The following SLC30A10 variants were observed in gnomAD, a reference collection of about 807,000 sequenced individuals.
SLC30A10 encodes calcium/manganese antiporter SLC30A10.
SLC30A10 carries 8 observed loss-of-function variants against 21.7 expected under a neutral mutation model. The ratio of observed to expected loss-of-function variants is 0.37; its 90% CI spans 0.22 to 0.67. The LOEUF is 0.67. SLC30A10 is among the 30% of genes least tolerant of loss of function. The probability of loss-of-function intolerance (pLI) is 0.58; values close to 1 mark genes in which losing one functional copy is unlikely to be tolerated. For synonymous variants in SLC30A10, 272 were observed against 279.4 expected (o/e 0.97, Z 0.26); for missense variants, 521 against 642.5 (o/e 0.81, Z 2.04).
intron 1 of SLC30A10, among the ~76,000 whole-genome samples, chr1:219,958,331 C>A (rs1357123168): frequency 1.3e-5 from 2 of 152,080 alleles, no homozygotes; most frequent in Non-Finnish European, 2.9e-5. Flanking sequence ...TTTTTCATTC[C>A]CTGTGAGTAA....
Position 219,927,891 on chromosome 1 carries a change from C to T in SLC30A10, c.550G>A (p.Ala184Thr). 6.5e-7 allele frequency: 1 copy of T among 1,540,934 alleles called. No homozygotes were observed. The highest frequency in any genetic ancestry group is 8.7e-7 in the Non-Finnish European group (1 of 1,143,480). ...EDPRRAADPT[A>T]PGSDSAVTLR... is the part of the protein sequence containing the mutation. ...GTTACGGCCGAGTCCGAGCCTGGGGCTGTCGGGTCCGCCGCGCGCCGCGGG... is the reference window on the plus strand; with the variant it reads ...GTTACGGCCGAGTCCGAGCCTGGGGTTGTCGGGTCCGCCGCGCGCCGCGGG... The change falls in exon 1 of 4, where the codon GCC (alanine) becomes ACC (threonine). Residue 184 changes from alanine (A) to threonine (T), a missense_variant. By Grantham distance (58) the Ala-to-Thr change is moderately conservative (BLOSUM62 0). Coordinates refer to ENST00000366926, the MANE Select transcript of SLC30A10 (RefSeq NM_018713.3).
intron 3 of SLC30A10, among the ~76,000 whole-genome samples, chr1:219,916,444 A>G (rs1659545315): frequency 6.6e-6 from 1 of 152,254 alleles, no homozygotes; most frequent in Non-Finnish European, 1.5e-5. Context: ...TCAATGATGT[A>G]ATGGAATAGG....
intron 3 of SLC30A10, among the ~76,000 whole-genome samples, chr1:219,916,919 T>C: frequency 6.6e-6 from 1 of 151,782 alleles, no homozygotes; most frequent in East Asian, 1.9e-4. Flanking sequence ...ATTTCTAGCA[T>C]GTAGTAAACG....
At chr1:219,920,075 GCAGTTGCCT>G (rs1659642437) in intron 2 of SLC30A10, among the ~76,000 whole-genome samples, 1 of 152,038 alleles carries the variant, frequency 6.6e-6, no homozygotes, top group African/African-American at 2.4e-5. Flanking sequence ...GTAATTTGAG[GCAGTTGCCT>G]CAAATTTTCC....
chr1:219,932,623 T>C (rs1276694239), upstream of SLC30A10, among the ~76,000 whole-genome samples: 1 of 151,598 alleles, frequency 6.6e-6, no homozygotes, highest in East Asian at 1.9e-4. Flanking sequence ...GTAATTTTTG[T>C]ACCCCAAAAG....
rs1659472929 is a variant in SLC30A10 at position 219,913,957 on chromosome 1, T to C, written c.*1492A>G. On this transcript the variant is annotated 3_prime_UTR_variant, in exon 4 of 4. Coordinates refer to ENST00000366926, the MANE Select transcript of SLC30A10 (RefSeq NM_018713.3). ...TAATAATTTCCTATCCTACGGATCATAGCTGCTTATTTATTTTAGCCTTCA... is the reference window on the plus strand; with the variant it reads ...TAATAATTTCCTATCCTACGGATCACAGCTGCTTATTTATTTTAGCCTTCA... The C allele has an allele frequency of 6.6e-6, 1 of 152,202 alleles. No homozygotes were observed. Among genetic ancestry groups the C allele is most frequent in the African/African-American group, 2.4e-5 (1 of 41,446 alleles). The allele number at this position is 152,202 out of a possible 1,614,324, so 9.4% of individuals were successfully genotyped here.
At chr1:219,917,740 T>G in intron 3 of SLC30A10, among the ~76,000 whole-genome samples, 1 of 132,600 alleles carries the variant, frequency 7.5e-6, no homozygotes, top group African/African-American at 3.0e-5. Context: ...AGTCAGAGTC[T>G]CACTCTGTCA....
intron 1 of SLC30A10, among the ~76,000 whole-genome samples, chr1:219,940,059 A>G (rs891733558): frequency 6.6e-6 from 1 of 152,178 alleles, no homozygotes; most frequent in African/African-American, 2.4e-5. Context: ...TTCCATTCAA[A>G]GGCCGACTCT....
intron 3 of SLC30A10, among the ~76,000 whole-genome samples, chr1:219,916,686 T>G (rs941099327): frequency 1.4e-4 from 22 of 152,188 alleles, no homozygotes; most frequent in African/African-American, 5.3e-4. Flanking sequence ...AATGAGTATG[T>G]ATTTAGAGAG....
chr1:219,931,036 C>T (rs1175193717), upstream of SLC30A10, among the ~76,000 whole-genome samples: 2 of 152,202 alleles, frequency 1.3e-5, no homozygotes, highest in Non-Finnish European at 2.9e-5. Context: ...TGTCTTCAAA[C>T]TGTAAAGCTT....
chr1:219,942,385 A>G (rs2102543195), intron 1 of SLC30A10, among the ~76,000 whole-genome samples: 1 of 152,254 alleles, frequency 6.6e-6, no homozygotes, highest in South Asian at 2.1e-4. Context: ...ACAAAGTTTG[A>G]CTCCTTGATC....
chr1:219,931,763 G>C (rs1659972751), upstream of SLC30A10, among the ~76,000 whole-genome samples: 1 of 152,192 alleles, frequency 6.6e-6, no homozygotes, highest in Admixed American at 6.5e-5. Flanking sequence ...TTATAGGCGT[G>C]AGCCACCACA....
At chr1:219,930,493 A>G (rs556264434), upstream of SLC30A10, among the ~76,000 whole-genome samples, 1 of 152,092 alleles carries the variant, frequency 6.6e-6, no homozygotes, top group African/African-American at 2.4e-5. Context: ...CCCCCCAACC[A>G]CAGAACATCC....
At chr1:219,922,330 T>G (rs1288760701) in intron 2 of SLC30A10, among the ~76,000 whole-genome samples, 1 of 151,074 alleles carries the variant, frequency 6.6e-6, no homozygotes, top group Non-Finnish European at 1.5e-5. Context: ...GATTCTGAGA[T>G]AAATACATCG....
chr1:219,915,248 C>A lies in SLC30A10; in HGVS notation c.*201G>T, dbSNP rs1465179196. On this transcript the variant is annotated 3_prime_UTR_variant, in exon 4 of 4. Transcript: ENST00000366926. ...ACAGTCAAAGAGCAGCATGAGACAC[C>A]CAGGGGAATGGAAAGGAGTTAGTTA... 1 of 633,144 alleles carries A rather than the reference C, an allele frequency of 1.6e-6. No homozygotes were observed. The highest frequency in any genetic ancestry group is 2.8e-6 in the Non-Finnish European group (1 of 363,612). The allele number at this position is 633,144 out of a possible 1,614,324, so 39.2% of individuals were successfully genotyped here. A position where few individuals can be genotyped will look rare whatever the true frequency, so the allele number is the denominator to read the frequency against.
rs1372256355 is a variant in SLC30A10, at chr1:219,918,595, G to A, written c.719-101C>T. On this transcript the variant is annotated intron_variant, in intron 2 of 3. Coordinates refer to ENST00000366926, the MANE Select transcript of SLC30A10 (RefSeq NM_018713.3). This position sits in a 1 kb window ranked among gnomAD's most constrained non-coding sequence, Gnocchi z 4.4. ...GGTATATGAATATCTGTTACCATTTGGAGTTTTTTGGTTTTTGTTTTGGTT... is the reference window on the plus strand; with the variant it reads ...GGTATATGAATATCTGTTACCATTTAGAGTTTTTTGGTTTTTGTTTTGGTT... 4 of 1,457,914 alleles carry A rather than the reference G, an allele frequency of 2.7e-6. No individual in the cohort carries two copies. The African/African-American group carries it at 5.7e-5, about 21-fold the overall frequency. The allele number at this position is 1,457,914 out of a possible 1,614,324, so 90.3% of individuals were successfully genotyped here.
chr1:219,920,847 C>G (rs781100310), intron 2 of SLC30A10, among the ~76,000 whole-genome samples: 57 of 152,172 alleles, frequency 3.7e-4, no homozygotes, highest in Non-Finnish European at 5.9e-4. Context: ...TGTCTGAATT[C>G]AGTCTTTTTC....
At chr1:219,926,047 C>T (rs1039065762) in intron 2 of SLC30A10, among the ~76,000 whole-genome samples, 26 of 152,050 alleles carry the variant, frequency 1.7e-4, no homozygotes, top group African/African-American at 3.1e-4. Context: ...TAAAAGCTCA[C>T]TACTAAGCTC....
intron 1 of SLC30A10, among the ~76,000 whole-genome samples, chr1:219,947,754 CG>C (rs1364301034): frequency 3.3e-5 from 5 of 151,970 alleles, no homozygotes; most frequent in Admixed American, 1.3e-4. Flanking sequence ...CACTTGAACC[CG>C]GGGGGCAGAG....
Sources: allele counts gnomAD v4.1 joint callset (sites outside exome capture counted in the v4.1 genomes callset), GRCh38; gene constraint gnomAD v4.1.1; non-coding constraint Gnocchi (gnomAD v3.1); transcripts MANE v1.5; gene names NCBI Gene and HGNC (gene_info 2026-07-23, HGNC 2026-07-21).